PCDH15: variants seen among roughly 807,000 people sequenced by gnomAD.
PCDH15 encodes protocadherin related 15.
A neutral mutation model predicts 178.5 loss-of-function variants in PCDH15; 129 were observed. The observed-to-expected ratio is 0.72, with a 90% CI of 0.63 to 0.84. PCDH15 has a LOEUF of 0.84. PCDH15 is among the 40% of genes least tolerant of loss of function. The pLI, the probability that PCDH15 is intolerant of heterozygous loss-of-function variation, is 0.00. For missense variants in PCDH15, 2,230 were observed against 2,099.9 expected, an observed-to-expected ratio of 1.06 and a Z score of -1.21; for synonymous variants, 800 against 732.0, an observed-to-expected ratio of 1.09 and a Z score of -1.50.
rs534252295 is a variant in PCDH15, at chr10:54,523,824, G to A, written c.157+3988C>T. Among the ~76,000 whole-genome samples, 219 of 152,262 alleles carry A rather than the reference G, an allele frequency of 1.4e-3. 2 individuals are homozygous for A. Among genetic ancestry groups the A allele is most frequent in the Middle Eastern group, 3.4e-3 (1 of 294 alleles). On this transcript the variant is annotated intron_variant, in intron 3 of 37. Coordinates refer to ENST00000644397, the MANE Select transcript of PCDH15 (RefSeq NM_001384140.1). ...CCAATTGTCTCAGCAACACAAATCC[G>A]AAGTCTAACAGTCAATATTTGATCA...
chr10:54,818,711 C>CT (rs1952987882), intron 3 of PCDH15, among the ~76,000 whole-genome samples: 1 of 151,896 alleles, frequency 6.6e-6, no homozygotes, highest in South Asian at 2.1e-4. Flanking sequence ...ACCCCCTCCC[C>CT]GAGTGTTTTT....
intron 1 of PCDH15, among the ~76,000 whole-genome samples, chr10:55,257,858 A>C (rs896529267): frequency 6.6e-6 from 1 of 152,290 alleles, no homozygotes; most frequent in East Asian, 1.9e-4. Context: ...ATTCAAATTC[A>C]GGAAATACAG....
At chr10:55,624,396 A>AT (rs896484474) in intron 2 of PCDH15, among the ~76,000 whole-genome samples, 44 of 151,382 alleles carry the variant, frequency 2.9e-4, no homozygotes, top group African/African-American at 6.1e-4. Context: ...TGCAAGCTGC[A>AT]TTTTTTTTTA....
chr10:54,185,123 A>C lies in PCDH15; in HGVS notation c.1440+11T>G, dbSNP rs781463273. ...TACATACATATGTATATTTACACAA[A>C]AGCTCTTTACCGAAAAGGTGTAAGT... On this transcript the variant is annotated intron_variant, in intron 12 of 37. Coordinates refer to ENST00000644397, the MANE Select transcript of PCDH15 (RefSeq NM_001384140.1). 9 of 1,612,878 alleles carry C rather than the reference A, an allele frequency of 5.6e-6. No homozygotes were observed. In the East Asian group the frequency reaches 2.0e-4, roughly 36 times the overall value.
chr10:55,537,407 G>GTATT (rs1449156143), intron 2 of PCDH15, among the ~76,000 whole-genome samples: 5 of 140,864 alleles, frequency 3.5e-5, no homozygotes, highest in Admixed American at 7.3e-5. Flanking sequence ...TTTTATTTAT[G>GTATT]TATTTATGTA....
chr10:54,953,538 G>A (rs1163103607), intron 2 of PCDH15, among the ~76,000 whole-genome samples: 1 of 151,304 alleles, frequency 6.6e-6, no homozygotes, highest in African/African-American at 2.4e-5. Flanking sequence ...TATTGCTATA[G>A]TTGATACCTG....
chr10:54,201,309 T>A (rs2050208105), intron 10 of PCDH15, among the ~76,000 whole-genome samples: 1 of 152,180 alleles, frequency 6.6e-6, no homozygotes, highest in Non-Finnish European at 1.5e-5. Context: ...ATTATGGTCT[T>A]ATCCTACTGA....
chr10:54,324,673 AG>A (rs2061824792), intron 7 of PCDH15, among the ~76,000 whole-genome samples: 1 of 152,114 alleles, frequency 6.6e-6, no homozygotes, highest in African/African-American at 2.4e-5. Context: ...AGGCTGAGTT[AG>A]GAGAATCATG....
chr10:54,145,730 A>G (rs2043840755), intron 14 of PCDH15, among the ~76,000 whole-genome samples: 1 of 152,092 alleles, frequency 6.6e-6, no homozygotes, highest in African/African-American at 2.4e-5. Flanking sequence ...GAAGGGTGTA[A>G]GTAAAGCAGT....
At chr10:54,384,122 C>T (rs1274455512) in intron 3 of PCDH15, among the ~76,000 whole-genome samples, 4 of 151,724 alleles carry the variant, frequency 2.6e-5, no homozygotes, top group Non-Finnish European at 5.9e-5. Context: ...GCGTGAGCTA[C>T]TGCATCCAGC....
rs759496482 is a variant in PCDH15, at chr10:54,147,818, G to GAT, written c.1784+5281_1784+5282insAT. On this transcript the variant is annotated intron_variant, in intron 14 of 37. Coordinates refer to ENST00000644397, the MANE Select transcript of PCDH15 (RefSeq NM_001384140.1). ...ACAATTATAGTTTTCCTCCACAACA[G>GAT]TAACTACAAAGATTATAGATATGAA... Among the ~76,000 whole-genome samples, 724 of 151,912 alleles carry GAT rather than the reference G, an allele frequency of 4.8e-3. 19 individuals carry two copies. The East Asian group carries it at 0.095, about 20-fold the overall frequency.
intron 11 of PCDH15, among the ~76,000 whole-genome samples, chr10:54,192,176 G>GAA (rs1443333645): frequency 6.5e-4 from 84 of 129,582 alleles, no homozygotes; most frequent in African/African-American, 2.4e-3. Context: ...GAAAGAAAAA[G>GAA]AAAGAGAAAG....
At chr10:54,313,891 G>A (rs1370540979) in intron 8 of PCDH15, among the ~76,000 whole-genome samples, 3 of 151,972 alleles carry the variant, frequency 2.0e-5, no homozygotes, top group African/African-American at 7.2e-5. Context: ...AATTAAGTTT[G>A]TACACTCTGC....
At chr10:55,426,258 T>C (rs1165365257) in intron 2 of PCDH15, among the ~76,000 whole-genome samples, 1 of 152,212 alleles carries the variant, frequency 6.6e-6, no homozygotes. Context: ...CCGGGTTTAC[T>C]CAGCCCACAG....
At chr10:55,332,030 T>TA (rs1433582690) in intron 2 of PCDH15, among the ~76,000 whole-genome samples, 2 of 152,120 alleles carry the variant, frequency 1.3e-5, no homozygotes, top group Non-Finnish European at 2.9e-5. Context: ...GAAATTAACT[T>TA]AAAAAGTTTG....
intron 29 of PCDH15, among the ~76,000 whole-genome samples, chr10:53,831,958 A>G (rs920311013): frequency 6.6e-6 from 1 of 152,150 alleles, no homozygotes; most frequent in African/African-American, 2.4e-5. Context: ...AAACATTACA[A>G]TACTGATTTA....
At chr10:55,268,858 A>G (rs1352504454) in intron 1 of PCDH15, among the ~76,000 whole-genome samples, 1 of 152,080 alleles carries the variant, frequency 6.6e-6, no homozygotes, top group Non-Finnish European at 1.5e-5. Context: ...TCTTACTATT[A>G]TGGAAAGAAA....
intron 26 of PCDH15, among the ~76,000 whole-genome samples, chr10:53,902,891 G>A (rs1284576900): frequency 6.6e-6 from 1 of 152,054 alleles, no homozygotes; most frequent in Admixed American, 6.6e-5. Context: ...TCTATTAGAA[G>A]TGGTAATTTT....
intron 2 of PCDH15, among the ~76,000 whole-genome samples, chr10:55,452,049 G>A (rs925785629): frequency 4.6e-5 from 7 of 152,116 alleles, no homozygotes; most frequent in African/African-American, 1.7e-4. Flanking sequence ...TCTTAAAAAT[G>A]TTGTATATTA....
Sources: allele counts gnomAD v4.1 joint callset (sites outside exome capture counted in the v4.1 genomes callset), GRCh38; gene constraint gnomAD v4.1.1; transcripts MANE v1.5; gene names NCBI Gene and HGNC (gene_info 2026-07-23, HGNC 2026-07-21).